FBN3: variants seen among roughly 807,000 people sequenced by gnomAD.
FBN3 encodes the protein fibrillin-3.
Under a neutral mutation model 330.1 loss-of-function variants are expected in FBN3, and 234 were observed. That is an observed-to-expected ratio of 0.71 (90% CI 0.64 to 0.79). The LOEUF is 0.79. Among genes scored for constraint, FBN3 ranks in the 30% least tolerant of loss-of-function variants. The probability of loss-of-function intolerance (pLI) is 0.00; values close to 1 mark genes in which losing one functional copy is unlikely to be tolerated. For missense variants in FBN3, 3,606 were observed against 3,886.9 expected (o/e 0.93, Z 1.92); for synonymous variants, 1,458 against 1,517.3 (o/e 0.96, Z 0.91).
chr19:8,107,081 A>G (rs1436426753), intron 37 of FBN3, among the ~76,000 whole-genome samples: 1 of 147,004 alleles, frequency 6.8e-6, no homozygotes, highest in Non-Finnish European at 1.5e-5. Context: ...TGAATGGATG[A>G]ATGGGTGGAT....
chr19:8,075,401 C>T lies in FBN3; in HGVS notation c.7464G>A (p.Glu2488=). ...QHHQACFDND[E]CSAQPGPCGA... is the part of the protein sequence containing the mutation. Reference sequence around the variant, plus strand: ...CACATGGGCCAGGCTGGGCTGAGCACTCATCATTGTCTGCAGAGGAGAGAG... The same window carrying T: ...CACATGGGCCAGGCTGGGCTGAGCATTCATCATTGTCTGCAGAGGAGAGAG... Residue 2488 remains glutamate (E), a synonymous_variant, in exon 60 of 64, where the codon GAG becomes GAA. Coordinates refer to ENST00000600128, the MANE Select transcript of FBN3 (RefSeq NM_032447.5). The T allele has an allele frequency of 6.2e-7, 1 of 1,613,630 alleles. No individual in the cohort carries two copies. Among genetic ancestry groups the T allele is most frequent in the African/African-American group, 1.3e-5 (1 of 75,044 alleles).
Position 8,117,265 on chromosome 19 carries a change from C to G in FBN3, c.3490G>C (p.Gly1164Arg). ...VDINECRVQN[G>R]GCDVHCINTE... ...TTAATACAGTGCACGTCACACCCAC[C>G]ATTCTGGACCCGGCATTCGTTGATG... The change falls in exon 28 of 64, where the codon GGT (glycine) becomes CGT (arginine). Residue 1164 changes from glycine to arginine, a missense_variant. Gly to Arg is a moderately radical substitution (Grantham distance 125). Coordinates refer to ENST00000600128, the MANE Select transcript of FBN3 (RefSeq NM_032447.5). The G allele has an allele frequency of 6.2e-7, 1 of 1,612,542 alleles. No individual in the cohort carries two copies.
At chr19:8,100,398 C>G (rs2082302006) in intron 41 of FBN3, among the ~76,000 whole-genome samples, 1 of 151,986 alleles carries the variant, frequency 6.6e-6, no homozygotes, top group Admixed American at 6.6e-5. Flanking sequence ...AGTGCAATGG[C>G]GAGATATCGG....
Position 8,087,125 on chromosome 19 carries a change from A to G in FBN3, c.6706T>C (p.Cys2236Arg), listed in dbSNP as rs2081981142. ...KNLIGTFACV[C>R]PPGMRPLPGS... is the part of the protein sequence containing the mutation. The stretch of plus-strand genomic sequence containing the variant: ...GGCAGGGGCCGCATGCCTGGGGGAC[A>G]GACGCACGCGAAGGTACCGATGAGG... The change falls in exon 54 of 64, where the codon TGT (cysteine) becomes CGT (arginine). Residue 2236 changes from cysteine to arginine, a missense_variant. Cys to Arg is a radical substitution (Grantham distance 180, BLOSUM62 -3). Transcript: ENST00000600128. 7 of 1,610,850 alleles carry G rather than the reference A, an allele frequency of 4.3e-6. No individual in the cohort carries two copies. Among genetic ancestry groups the G allele is most frequent in the Non-Finnish European group, 5.9e-6 (7 of 1,179,502 alleles).
At position 8,086,194 on chromosome 19, in the gene FBN3, A is replaced by G. The variant is rs769366796; in HGVS notation, c.6880+6T>C. ...GCAACCACTGTGCGTGTCCAGCCAC[A>G]CTCACCGTGGCACTCGGTAAGGGTG... On this transcript the variant is annotated splice_donor_region_variant and intron_variant, in intron 55 of 63. Coordinates refer to ENST00000600128, the MANE Select transcript of FBN3 (RefSeq NM_032447.5). 1.3e-5 allele frequency: 20 copies of G among 1,554,734 alleles called. No individual in the cohort carries two copies. The highest frequency in any genetic ancestry group is 1.2e-5 in the Non-Finnish European group (14 of 1,141,724).
rs1012094263 is a variant in FBN3 at position 8,072,074 on chromosome 19, G to A, written c.8062C>T (p.Arg2688Ter). ...TGGTGGTCCCTGTGGGCACTGCGTC[G>A]TGGCCGGTCCCGAGGGGAGAGGCCA... Reference protein sequence around the residue: ...INGLSPRDRPRRSAHRDHQVN... With the variant: ...INGLSPRDRP The change falls in exon 63 of 64, where the codon CGA becomes TGA. Residue 2688 changes from arginine to a stop codon, truncating the protein, a stop_gained. Transcript: ENST00000600128. LOFTEE classifies it low-confidence loss of function (END_TRUNC). 17 of 1,612,382 alleles carry A rather than the reference G, an allele frequency of 1.1e-5. No individual in the cohort carries two copies. Among genetic ancestry groups the A allele is most frequent in the Middle Eastern group, 1.6e-4 (1 of 6,080 alleles).
Position 8,066,095 on chromosome 19 carries a change from T to A in FBN3, c.8254A>T (p.Met2752Leu). 1 of 1,613,500 alleles carries A rather than the reference T, an allele frequency of 6.2e-7. No individual in the cohort carries two copies. The highest frequency in any genetic ancestry group is 8.5e-7 in the Non-Finnish European group (1 of 1,179,984). The change falls in exon 64 of 64, where the codon ATG becomes TTG. Residue 2752 changes from methionine (M) to leucine (L), a missense_variant. Coordinates refer to ENST00000600128, the MANE Select transcript of FBN3 (RefSeq NM_032447.5). ...VRGNEQGFFR[M>L]HHLRGVSSLQ... is the part of the protein sequence containing the mutation. ...GAGCTGACGCCACGGAGGTGATGCA[T>A]GCGAAAGAAACCTTGCTCGTTTCCG...
chr19:8,134,138 A>C (rs1422291317), intron 13 of FBN3, among the ~76,000 whole-genome samples: 1 of 151,754 alleles, frequency 6.6e-6, no homozygotes, highest in African/African-American at 2.4e-5. Context: ...GTTACTCGGG[A>C]GGCTGAGGCA....
chr19:8,102,096 C>G (rs902339814), intron 40 of FBN3, among the ~76,000 whole-genome samples: 1 of 152,366 alleles, frequency 6.6e-6, no homozygotes, highest in East Asian at 1.9e-4. Context: ...CCTGCACGCG[C>G]TCTCTTGCCT....
intron 62 of FBN3, among the ~76,000 whole-genome samples, chr19:8,072,619 C>T (rs1166893473): frequency 1.3e-5 from 2 of 151,992 alleles, no homozygotes; most frequent in Non-Finnish European, 2.9e-5. Context: ...ATGGCTGACG[C>T]GTGCTTCCTC....
At chr19:8,118,798 C>A in intron 26 of FBN3, 99 bp downstream of exon 26, 2 of 1,441,334 alleles carry the variant, frequency 1.4e-6, no homozygotes, top group Non-Finnish European at 1.9e-6. Flanking sequence ...GATACACATG[C>A]CCACCCTCTC....
intron 37 of FBN3, among the ~76,000 whole-genome samples, chr19:8,107,798 A>G (rs1055049683): frequency 3.0e-5 from 4 of 131,644 alleles, no homozygotes; most frequent in Admixed American, 7.8e-5. Flanking sequence ...TGGATGGAAA[A>G]AATGGAAGGA....
chr19:8,128,845 A>T (rs1406318325), intron 18 of FBN3, among the ~76,000 whole-genome samples, 183 bp downstream of exon 18: 1 of 152,098 alleles, frequency 6.6e-6, no homozygotes, highest in Non-Finnish European at 1.5e-5. Context: ...CTCATGCAAC[A>T]TGTGAGTATC....
chr19:8,067,124 TTTTTC>T (rs1409072589), intron 63 of FBN3, among the ~76,000 whole-genome samples: 1 of 148,644 alleles, frequency 6.7e-6, no homozygotes, highest in East Asian at 2.0e-4. Context: ...TTTCTTCTTC[TTTTTC>T]TTTTTTTTTT....
At position 8,094,454 on chromosome 19, in the gene FBN3, T is replaced by G. The variant is rs1461002260; in HGVS notation, c.5897A>C (p.His1966Pro). 1 of 1,613,000 alleles carries G rather than the reference T, an allele frequency of 6.2e-7. No homozygotes were observed. Among genetic ancestry groups the G allele is most frequent in the East Asian group, 2.2e-5 (1 of 44,838 alleles). The stretch of plus-strand genomic sequence containing the variant: ...TGGGGCTGGACACTCACCAATGCAG[T>G]GGTCACTCTGCACCTGGAAGCCAGG... ...CPPGFQVQSD[H>P]CIDIDECSEE... The change falls in exon 47 of 64, where the codon CAC becomes CCC. Residue 1966 changes from histidine (H) to proline (P), a missense_variant. Coordinates refer to ENST00000600128, the MANE Select transcript of FBN3 (RefSeq NM_032447.5).
chr19:8,070,252 C>G (rs1033632008), intron 63 of FBN3, among the ~76,000 whole-genome samples: 6 of 152,176 alleles, frequency 3.9e-5, no homozygotes, highest in African/African-American at 1.2e-4. Context: ...TATCCCATGT[C>G]TCACTTTGTT....
At position 8,141,965 on chromosome 19, in the gene FBN3, G is replaced by A. The variant is rs993493467; in HGVS notation, c.714C>T (p.Pro238=). 3 of 1,614,116 alleles carry A rather than the reference G, an allele frequency of 1.9e-6. No homozygotes were observed. The highest frequency in any genetic ancestry group is 2.5e-6 in the Non-Finnish European group (3 of 1,180,044). The stretch of plus-strand genomic sequence containing the variant: ...CTTGGCAGGCCCCCGTGTGGATATT[G>A]GGGATGAAGCCGCGGCGGCAGGGGT... ...QPHPCRRGFI[P]NIHTGACQDV... is the part of the protein sequence containing the mutation. The change falls in exon 7 of 64, where the codon CCC becomes CCT. Residue 238 remains proline, a synonymous_variant. Transcript: ENST00000600128.
At chr19:8,110,995 C>A in intron 33 of FBN3, 28 bp from the exon 34 acceptor site, 6 of 1,614,202 alleles carry the variant, frequency 3.7e-6, no homozygotes, top group Non-Finnish European at 5.1e-6. Flanking sequence ...CAGCCTGCCC[C>A]ACCCAGAGTC....
rs767602237 is a variant in FBN3 at position 8,123,779 on chromosome 19, C to CGCACCT, written c.2955_2956+4dup. The stretch of plus-strand genomic sequence containing the variant: ...CCAGGGGCCTGACCCCTTCCCCAAC[C>CGCACCT]GCACCTTTATAGAATGGTCGGCCAG... On this transcript the variant is annotated splice_donor_region_variant and intron_variant, in intron 23 of 63. Transcript: ENST00000600128. The CGCACCT allele has an allele frequency of 2.7e-5, 43 of 1,612,828 alleles. No homozygotes were observed. Among genetic ancestry groups the CGCACCT allele is most frequent in the Non-Finnish European group, 3.4e-5 (40 of 1,179,776 alleles).
Sources: gnomAD v4.1 joint callset for allele counts (sites outside exome capture counted in the v4.1 genomes callset) on GRCh38, gnomAD v4.1.1 for gene constraint, MANE v1.5 for transcripts, NCBI Gene and HGNC (gene_info 2026-07-23, HGNC 2026-07-21) for gene names.